The following CEP63 variants were observed in gnomAD, a reference collection of about 807,000 sequenced individuals.
CEP63 encodes centrosomal protein of 63 kDa.
A neutral mutation model predicts 89.1 loss-of-function variants in CEP63; 84 were observed. That is an observed-to-expected ratio of 0.94 (90% confidence interval 0.79 to 1.13). CEP63 has a LOEUF of 1.13. CEP63 is among the 50% of genes most tolerant of loss of function. CEP63 has a pLI of 0.00. For missense variants in CEP63, 838 were observed against 813.3 expected (o/e 1.03, Z -0.37); for synonymous variants, 267 against 272.5 (o/e 0.98, Z 0.20).
chr3:134,533,014 A>G, intron 5 of CEP63, 114 bp downstream of exon 5: 3 of 1,072,102 alleles, frequency 2.8e-6, no homozygotes, highest in East Asian at 5.0e-5. Context: ...AAGGACTGCC[A>G]CTAAGCTATT....
intron 1 of CEP63, among the ~76,000 whole-genome samples, chr3:134,491,549 T>C (rs527711742): frequency 7.2e-4 from 109 of 152,366 alleles, no homozygotes; most frequent in Middle Eastern, 3.4e-3. Flanking sequence ...TATGTACTCC[T>C]ATTTCTCAGA....
chr3:134,691,288 G>A, the CEP63 span, among the ~76,000 whole-genome samples: 1 of 151,538 alleles, frequency 6.6e-6, no homozygotes, highest in Non-Finnish European at 1.5e-5. Context: ...AACCCAAGAG[G>A]CAGAGGTTGC....
In CEP63 at chr3:134,564,828, A is replaced by G. The variant is rs539384432; in HGVS notation, c.*3293A>G. The G allele has an allele frequency of 1.3e-4, 133 of 985,362 alleles. No individual in the cohort carries two copies. The African/African-American group carries it at 1.6e-3, about 12-fold the overall frequency. 61.0% of individuals were successfully genotyped at this position (985,362 alleles called of 1,614,324 possible). A position where few individuals can be genotyped will look rare whatever the true frequency, so the allele number is the denominator to read the frequency against. On this transcript the variant is annotated 3_prime_UTR_variant, in exon 15 of 15. Transcript: ENST00000675561. ...TACTACGTGTTGACTAGGAGGAACA[A>G]TGACAGACTCTGTAGTCACCGGAAA...
downstream of CEP63, among the ~76,000 whole-genome samples, chr3:134,567,414 A>G (rs1957819949): frequency 6.7e-6 from 1 of 149,076 alleles, no homozygotes; most frequent in Non-Finnish European, 1.5e-5. Flanking sequence ...TGAATTGTGT[A>G]CTTTAAATGG....
At chr3:134,634,319 G>A in the CEP63 span, among the ~76,000 whole-genome samples, 11 of 152,146 alleles carry the variant, frequency 7.2e-5, no homozygotes, top group African/African-American at 2.6e-4. Flanking sequence ...AAAAAAGATG[G>A]GAGGACTCCC....
the CEP63 span, among the ~76,000 whole-genome samples, chr3:134,738,824 C>A: frequency 6.6e-6 from 1 of 152,068 alleles, no homozygotes; most frequent in Non-Finnish European, 1.5e-5. Context: ...TTAAAATGGG[C>A]AAAATATCTT....
chr3:134,571,336 G>T (rs1265702396), intron 11 of CEP63, among the ~76,000 whole-genome samples: 1 of 152,154 alleles, frequency 6.6e-6, no homozygotes, highest in Non-Finnish European at 1.5e-5. Flanking sequence ...GGATGCCTCT[G>T]GCAGAGTTGA....
chr3:134,550,417 G>C (rs144019636), intron 11 of CEP63, among the ~76,000 whole-genome samples, 157 bp downstream of exon 11: 1 of 152,336 alleles, frequency 6.6e-6, no homozygotes, highest in African/African-American at 2.4e-5. Context: ...TAGTGAGCAT[G>C]GTGGGGAGGT....
At chr3:134,537,299 A>G (rs370527512) in intron 6 of CEP63, 31 bp downstream of exon 6, 162 of 1,402,526 alleles carry the variant, frequency 1.2e-4, no homozygotes, top group Non-Finnish European at 1.6e-4. Flanking sequence ...AATAATGAGA[A>G]GCAGATAGGT....
intron 10 of CEP63, among the ~76,000 whole-genome samples, chr3:134,581,889 A>G (rs1958362991): frequency 6.6e-6 from 1 of 151,414 alleles, no homozygotes; most frequent in Non-Finnish European, 1.5e-5. Flanking sequence ...GTTAGCCAGG[A>G]TGGTCTCGAT....
At chr3:134,718,921 A>G in the CEP63 span, among the ~76,000 whole-genome samples, 3 of 152,312 alleles carry the variant, frequency 2.0e-5, no homozygotes, top group South Asian at 6.2e-4. Context: ...CTTTTGATAT[A>G]TTGAGGTTAT....
chr3:134,724,525 C>T, the CEP63 span, among the ~76,000 whole-genome samples: 1 of 152,208 alleles, frequency 6.6e-6, no homozygotes, highest in Non-Finnish European at 1.5e-5. Context: ...TGGCACCCAG[C>T]TCCAGAAGTA....
At chr3:134,767,131 G>T in the CEP63 span, among the ~76,000 whole-genome samples, 4,555 of 152,274 alleles carry the variant, frequency 0.03, 209 homozygotes, top group African/African-American at 0.1. Flanking sequence ...GGGCTGAGCT[G>T]TGAAGAGACG....
At chr3:134,629,206 C>T in the CEP63 span, among the ~76,000 whole-genome samples, 1 of 152,242 alleles carries the variant, frequency 6.6e-6, no homozygotes, top group Non-Finnish European at 1.5e-5. Flanking sequence ...GTAGTTACTT[C>T]ACCTCTCTAA....
the CEP63 span, among the ~76,000 whole-genome samples, chr3:134,637,652 CT>C: frequency 6.6e-6 from 1 of 152,238 alleles, no homozygotes; most frequent in Non-Finnish European, 1.5e-5. Context: ...TGCCCAGGTA[CT>C]TTCACACGCA....
chr3:134,607,086 A>G, the CEP63 span: 3 of 985,318 alleles, frequency 3.0e-6, no homozygotes, highest in Admixed American at 6.1e-5. Context: ...TAAAAAGGCA[A>G]ACTCCACTCA....
At chr3:134,665,618 T>C in the CEP63 span, among the ~76,000 whole-genome samples, 1 of 140,300 alleles carries the variant, frequency 7.1e-6, no homozygotes, top group Non-Finnish European at 1.5e-5. Context: ...CCAGGAAGGG[T>C]GAAGACAGGG....
the CEP63 span, among the ~76,000 whole-genome samples, chr3:134,663,625 C>A: frequency 1.3e-5 from 2 of 152,220 alleles, no homozygotes; most frequent in African/African-American, 4.8e-5. Context: ...TTCCAGAGAG[C>A]AGCATTTGGG....
chr3:134,569,399 A>G (rs899076142), downstream of CEP63, among the ~76,000 whole-genome samples: 44 of 152,248 alleles, frequency 2.9e-4, 1 homozygote, highest in African/African-American at 8.4e-4. Context: ...GCGTTGGGTA[A>G]ATATACCCAT....
Sources: allele counts gnomAD v4.1 joint callset (sites outside exome capture counted in the v4.1 genomes callset), GRCh38; gene constraint gnomAD v4.1.1; transcripts MANE v1.5; gene names NCBI Gene and HGNC (gene_info 2026-07-23, HGNC 2026-07-21).